The following TMEM108 variants were observed in gnomAD, a reference collection of about 807,000 sequenced individuals.
TMEM108 encodes the protein transmembrane protein 108.
Under a neutral mutation model 35.1 loss-of-function variants are expected in TMEM108, and 12 were observed. The observed-to-expected ratio is 0.34, with a 90% confidence interval of 0.22 to 0.55. TMEM108 has a LOEUF of 0.55. Among genes scored for constraint, TMEM108 ranks in the 20% least tolerant of loss-of-function variants. The pLI is 0.89. For synonymous variants in TMEM108, 287 were observed against 308.6 expected (o/e 0.93, Z 0.73); for missense variants, 680 against 753.3 (o/e 0.90, Z 1.14).
chr3:133,137,582 T>G (rs1271557644), intron 2 of TMEM108, among the ~76,000 whole-genome samples: 1 of 152,218 alleles, frequency 6.6e-6, no homozygotes, highest in Non-Finnish European at 1.5e-5. Context: ...GTTTCTTGAC[T>G]GCCTGTTAGA....
At chr3:133,392,104 G>A (rs965711266) in intron 5 of TMEM108, among the ~76,000 whole-genome samples, 23 of 150,850 alleles carry the variant, frequency 1.5e-4, no homozygotes, top group Non-Finnish European at 2.8e-4. Context: ...TCTATTCACT[G>A]GAGCGCCCCA....
At chr3:133,225,344 C>T (rs1946054012) in intron 2 of TMEM108, among the ~76,000 whole-genome samples, 1 of 152,140 alleles carries the variant, frequency 6.6e-6, no homozygotes. Flanking sequence ...CCGCGCCCAG[C>T]CCCTAATTAA....
intron 2 of TMEM108, among the ~76,000 whole-genome samples, chr3:133,156,868 T>C (rs1944889352): frequency 6.6e-6 from 1 of 152,178 alleles, no homozygotes; most frequent in Non-Finnish European, 1.5e-5. Context: ...TTTCCCCTTT[T>C]TTTCTCTGCC....
intron 2 of TMEM108, among the ~76,000 whole-genome samples, chr3:133,206,988 G>A (rs893984320): frequency 6.6e-6 from 1 of 152,178 alleles, no homozygotes; most frequent in African/African-American, 2.4e-5. Flanking sequence ...CTTTCTTTCA[G>A]ACATGCCCTG....
At chr3:133,298,608 A>G (rs978277962) in intron 3 of TMEM108, among the ~76,000 whole-genome samples, 9 of 152,148 alleles carry the variant, frequency 5.9e-5, no homozygotes, top group Non-Finnish European at 1.3e-4. Context: ...TATCAGGTAC[A>G]TAAATATTAT....
intron 2 of TMEM108, among the ~76,000 whole-genome samples, chr3:133,053,586 G>A (rs767344162): frequency 6.6e-6 from 1 of 152,202 alleles, no homozygotes; most frequent in Non-Finnish European, 1.5e-5. Flanking sequence ...AAAGATGCAC[G>A]AGAAAATAAG....
intron 3 of TMEM108, chr3:133,378,230 AGG>A (rs71624015): frequency 5.3e-6 from 3 of 566,846 alleles, no homozygotes; most frequent in Non-Finnish European, 6.7e-6. Context: ...TTAGAAGTGC[AGG>A]GTGAGGACAC....
intron 2 of TMEM108, among the ~76,000 whole-genome samples, chr3:133,097,306 G>A (rs1284470264): frequency 6.6e-6 from 1 of 152,226 alleles, no homozygotes; most frequent in Non-Finnish European, 1.5e-5. Flanking sequence ...ACAAAAAGAA[G>A]TAGATTTTTC....
intron 2 of TMEM108, among the ~76,000 whole-genome samples, chr3:133,226,370 GC>G (rs1946071192): frequency 6.6e-6 from 1 of 152,176 alleles, no homozygotes; most frequent in African/African-American, 2.4e-5. Context: ...ACAAGAGATA[GC>G]TTTGCAGGAC....
chr3:133,234,412 G>C lies in TMEM108; in HGVS notation c.40+5061G>C, dbSNP rs1424897500. Among the ~76,000 whole-genome samples, 6 of 152,158 alleles carry C rather than the reference G, an allele frequency of 3.9e-5. No individual in the cohort carries two copies. The South Asian group carries it at 1.2e-3, about 32-fold the overall frequency. On this transcript the variant is annotated intron_variant, in intron 3 of 5. Transcript: ENST00000321871. ...AAACGCTTATCCACCATGATCAAGT[G>C]GGCTTCATCCCTGGGATGCAAGGCT...
chr3:133,152,960 G>A (rs987585453), intron 2 of TMEM108, among the ~76,000 whole-genome samples: 15 of 152,080 alleles, frequency 9.9e-5, no homozygotes, highest in Admixed American at 6.6e-4. Flanking sequence ...TTGATTCAAT[G>A]TTTGGGCCTG....
intron 2 of TMEM108, among the ~76,000 whole-genome samples, chr3:133,079,913 G>A (rs1943788539): frequency 6.6e-6 from 1 of 152,168 alleles, no homozygotes; most frequent in Non-Finnish European, 1.5e-5. Flanking sequence ...GCTTCTGGGT[G>A]GAGGCTGAGT....
chr3:133,038,638 G>C (rs1283227465), intron 1 of TMEM108, among the ~76,000 whole-genome samples: 1 of 152,202 alleles, frequency 6.6e-6, no homozygotes, highest in Non-Finnish European at 1.5e-5. Context: ...ACTGCGTGAC[G>C]GGTCTGCCCG....
intron 3 of TMEM108, among the ~76,000 whole-genome samples, chr3:133,265,933 G>A (rs1326105800): frequency 6.6e-6 from 1 of 151,970 alleles, no homozygotes; most frequent in Admixed American, 6.6e-5. Context: ...GTGTTGTCCG[G>A]TGCCTCTTAT....
chr3:133,297,441 AAAG>A (rs1947161044), intron 3 of TMEM108, among the ~76,000 whole-genome samples: 1 of 152,208 alleles, frequency 6.6e-6, no homozygotes, highest in Admixed American at 6.5e-5. Context: ...AAAGTGATTG[AAAG>A]AAGAAAGAGG....
chr3:133,150,783 A>G (rs1944788551), intron 2 of TMEM108, among the ~76,000 whole-genome samples: 1 of 152,136 alleles, frequency 6.6e-6, no homozygotes, highest in Non-Finnish European at 1.5e-5. Flanking sequence ...TGGCGCAGTG[A>G]ACATCGATCC....
At chr3:133,245,927 TA>T (rs1308746800) in intron 3 of TMEM108, among the ~76,000 whole-genome samples, 1 of 150,860 alleles carries the variant, frequency 6.6e-6, no homozygotes, top group Non-Finnish European at 1.5e-5. Flanking sequence ...ATATAATCAA[TA>T]AAAAAATCTA....
At chr3:133,162,243 A>G (rs6769538) in intron 2 of TMEM108, among the ~76,000 whole-genome samples, 82,051 of 151,776 alleles carry the variant, frequency 0.54, 22,952 homozygotes, top group African/African-American at 0.66. Flanking sequence ...GATCTCTACT[A>G]TCACAAAGCT....
intron 2 of TMEM108, among the ~76,000 whole-genome samples, chr3:133,166,510 T>C (rs995361815): frequency 6.6e-6 from 1 of 152,208 alleles, no homozygotes; most frequent in Non-Finnish European, 1.5e-5. Flanking sequence ...CTTCTGATGT[T>C]CGGACGTGTT....
Sources: allele counts gnomAD v4.1 joint callset (sites outside exome capture counted in the v4.1 genomes callset), GRCh38; gene constraint gnomAD v4.1.1; transcripts MANE v1.5; gene names NCBI Gene and HGNC (gene_info 2026-07-23, HGNC 2026-07-21).